The following MSRA variants were observed in gnomAD, a reference collection of about 807,000 sequenced individuals.
The protein encoded by MSRA is methionine sulfoxide reductase A, also known as mitochondrial peptide methionine sulfoxide reductase.
A neutral mutation model predicts 31.3 loss-of-function variants in MSRA; 54 were observed. That is an observed-to-expected ratio of 1.73 (90% confidence interval 1.39 to 2.17). MSRA has a LOEUF of 2.17. MSRA is among the 30% of genes most tolerant of loss of function. The pLI, the probability that MSRA is intolerant of heterozygous loss-of-function variation, is 0.00. For synonymous variants in MSRA, 169 were observed against 116.5 expected, an observed-to-expected ratio of 1.45 and a Z score of -2.90; for missense variants, 507 against 300.9, an observed-to-expected ratio of 1.69 and a Z score of -5.07.
At chr8:10,182,282 A>T (rs1447388417) in intron 1 of MSRA, among the ~76,000 whole-genome samples, 1 of 152,252 alleles carries the variant, frequency 6.6e-6, no homozygotes, top group Non-Finnish European at 1.5e-5. Flanking sequence ...CAGGCTGTTA[A>T]GGCCAAGAGT....
Position 10,390,838 on chromosome 8 carries a change from C to T in MSRA, c.544-37310C>T, listed in dbSNP as rs529104873. Among the ~76,000 whole-genome samples the T allele has an allele frequency of 8.5e-5, 13 of 152,118 alleles. No individual in the cohort carries two copies. In the South Asian group the frequency reaches 1.9e-3, roughly 22 times the overall value. On this transcript the variant is annotated intron_variant, in intron 5 of 5. Transcript: ENST00000317173. ...AAAATAAAAAAAAATTATCTGGGCG[C>T]GGTGGCAGGCGCCTGTAGTCCCACC...
intron 2 of MSRA, among the ~76,000 whole-genome samples, chr8:10,215,220 A>G (rs954766855): frequency 2.6e-5 from 4 of 152,238 alleles, no homozygotes; most frequent in Non-Finnish European, 5.9e-5. Context: ...CCCTCCTCCC[A>G]CAAAAAGGTT....
rs546670407 is a variant in MSRA, at chr8:10,147,021, G to A, written c.143-60812G>A. Among the ~76,000 whole-genome samples, 5 of 152,322 alleles carry A rather than the reference G, an allele frequency of 3.3e-5. No homozygotes were observed. The South Asian group carries it at 1.0e-3, about 32-fold the overall frequency. On this transcript the variant is annotated intron_variant, in intron 1 of 5. Coordinates refer to ENST00000317173, the MANE Select transcript of MSRA (RefSeq NM_012331.5). The stretch of plus-strand genomic sequence containing the variant: ...CCAGCTGGGGCCTTGTTGGGTTACC[G>A]GCAGAGGCGAGGTGGCCCTTCCCAG...
At chr8:10,280,929 T>A (rs1358500094) in intron 3 of MSRA, among the ~76,000 whole-genome samples, 1 of 152,254 alleles carries the variant, frequency 6.6e-6, no homozygotes, top group Non-Finnish European at 1.5e-5. Flanking sequence ...TGATTCTATT[T>A]ATTTGAAACG....
At chr8:10,362,061 G>C (rs1344350136) in intron 5 of MSRA, among the ~76,000 whole-genome samples, 1 of 152,126 alleles carries the variant, frequency 6.6e-6, no homozygotes, top group East Asian at 1.9e-4. Flanking sequence ...GAGTGAGAGA[G>C]ACCCGGGTTC....
rs147828185 is a variant in MSRA at position 10,389,116 on chromosome 8, G to A, written c.544-39032G>A. On this transcript the variant is annotated intron_variant, in intron 5 of 5. Transcript: ENST00000317173. ...TTTTCACAAAAAATTCGTAACCTCC[G>A]GCATGAATGGGTTAAAACACTCACC... is the stretch of plus-strand genomic sequence containing the variant. Among the ~76,000 whole-genome samples, 554 of 152,126 alleles carry A rather than the reference G, an allele frequency of 3.6e-3. 1 individual carries two copies. The highest frequency in any genetic ancestry group is 0.012 in the African/African-American group (518 of 41,494).
intron 5 of MSRA, among the ~76,000 whole-genome samples, chr8:10,344,793 G>C (rs556939484): frequency 6.6e-6 from 1 of 152,008 alleles, no homozygotes; most frequent in African/African-American, 2.4e-5. Context: ...AAGACCTCAG[G>C]TTCACTCTTG....
At chr8:10,340,057 T>C (rs1259098876) in intron 5 of MSRA, among the ~76,000 whole-genome samples, 5 of 151,984 alleles carry the variant, frequency 3.3e-5, no homozygotes, top group African/African-American at 1.2e-4. Context: ...CTGGCCCGTG[T>C]GGTATGAGAA....
At chr8:10,136,363 C>G (rs1432929278) in intron 1 of MSRA, among the ~76,000 whole-genome samples, 2 of 152,166 alleles carry the variant, frequency 1.3e-5, no homozygotes, top group Non-Finnish European at 2.9e-5. Flanking sequence ...CTCAGAAGGT[C>G]TCGTTCATGT....
chr8:10,389,630 C>A (rs1406536527), intron 5 of MSRA, among the ~76,000 whole-genome samples: 1 of 152,126 alleles, frequency 6.6e-6, no homozygotes, highest in Non-Finnish European at 1.5e-5. Flanking sequence ...GCAGGCCCTG[C>A]TTCCTGCCCT....
intron 3 of MSRA, among the ~76,000 whole-genome samples, chr8:10,259,167 A>G (rs371800825): frequency 6.6e-6 from 1 of 152,038 alleles, no homozygotes; most frequent in African/African-American, 2.4e-5. Context: ...TGTCAAATCT[A>G]TTGAAGTTCT....
chr8:10,386,782 T>G (rs188300040), intron 5 of MSRA, among the ~76,000 whole-genome samples: 140 of 151,898 alleles, frequency 9.2e-4, no homozygotes, highest in African/African-American at 3.2e-3. Context: ...ATGAATGCAT[T>G]TGGCTTTAGA....
At chr8:10,217,971 G>C (rs1810147377) in intron 2 of MSRA, among the ~76,000 whole-genome samples, 1 of 151,784 alleles carries the variant, frequency 6.6e-6, no homozygotes, top group African/African-American at 2.4e-5. Flanking sequence ...AATTCAGCCT[G>C]TCCTATTTCC....
chr8:10,066,685 C>T (rs1797469872), intron 1 of MSRA, among the ~76,000 whole-genome samples: 1 of 152,232 alleles, frequency 6.6e-6, no homozygotes, highest in East Asian at 1.9e-4. Flanking sequence ...AGGCATCCGT[C>T]ACCAGACCTA....
chr8:10,386,170 T>C lies in MSRA; in HGVS notation c.544-41978T>C, dbSNP rs184802276. On this transcript the variant is annotated intron_variant, in intron 5 of 5. Coordinates refer to ENST00000317173, the MANE Select transcript of MSRA (RefSeq NM_012331.5). ...ATTTCTTTTAATTCTTATGCAGTTC[T>C]CTGAGATATGTATTCCAGTTTACAA... 6.9e-3 allele frequency among the ~76,000 whole-genome samples: 1,052 copies of C among 152,338 alleles called. 4 individuals carry two copies. Among genetic ancestry groups the C allele is most frequent in the Admixed American group, 0.012 (186 of 15,302 alleles).
chr8:10,243,185 C>G (rs188551653), intron 2 of MSRA, among the ~76,000 whole-genome samples: 369 of 152,274 alleles, frequency 2.4e-3, no homozygotes, highest in African/African-American at 8.4e-3. Flanking sequence ...CTGGTGCTCT[C>G]TGGTGCCATC....
chr8:10,326,001 T>G (rs1261345250), intron 5 of MSRA, among the ~76,000 whole-genome samples: 1 of 152,246 alleles, frequency 6.6e-6, no homozygotes, highest in Admixed American at 6.5e-5. Context: ...ATTCTGCCCA[T>G]GACTCATTCT....
At chr8:10,414,079 A>G (rs1585725102) in intron 5 of MSRA, among the ~76,000 whole-genome samples, 1 of 152,118 alleles carries the variant, frequency 6.6e-6, no homozygotes, top group South Asian at 2.1e-4. Context: ...AGACAAGAGG[A>G]TCGCTTGAGC....
At chr8:10,128,507 T>A (rs12545788) in intron 1 of MSRA, among the ~76,000 whole-genome samples, 30,543 of 152,100 alleles carry the variant, frequency 0.2, 4,179 homozygotes, top group East Asian at 0.56. Flanking sequence ...TTCGAAATTC[T>A]GTGACTCCTA....
Sources: gnomAD v4.1 joint callset for allele counts (sites outside exome capture counted in the v4.1 genomes callset) on GRCh38, gnomAD v4.1.1 for gene constraint, MANE v1.5 for transcripts, NCBI Gene and HGNC (gene_info 2026-07-23, HGNC 2026-07-21) for gene names.